Variants in ATF6 observed in about 807,000 individuals in gnomAD.
ATF6 encodes the protein activating transcription factor 6, also known as cyclic AMP-dependent transcription factor ATF-6 alpha.
Under a neutral mutation model 83.6 loss-of-function variants are expected in ATF6, and 53 were observed. That is an observed-to-expected ratio of 0.63 (90% CI 0.51 to 0.80). The LOEUF (loss-of-function observed/expected upper bound fraction) is 0.80, where lower values mean the gene tolerates loss of function less well. Ranked by LOEUF, ATF6 falls within the 30% of genes least tolerant of loss-of-function variation. The probability of loss-of-function intolerance (pLI) is 0.00; values close to 1 mark genes in which losing one functional copy is unlikely to be tolerated. For synonymous variants in ATF6, 288 were observed against 285.8 expected, an observed-to-expected ratio of 1.01 and a Z score of -0.08; for missense variants, 744 against 797.9, an observed-to-expected ratio of 0.93 and a Z score of 0.81.
intron 15 of ATF6, among the ~76,000 whole-genome samples, chr1:161,914,134 A>G (rs1688044739): frequency 6.6e-6 from 1 of 152,214 alleles, no homozygotes; most frequent in Non-Finnish European, 1.5e-5. Flanking sequence ...TAAAAAATCA[A>G]AATTCAAATT....
chr1:161,767,026 T>A (rs912094150), intron 1 of ATF6, among the ~76,000 whole-genome samples: 2 of 152,188 alleles, frequency 1.3e-5, no homozygotes, highest in African/African-American at 4.8e-5. Flanking sequence ...GCTCTTAATT[T>A]TCTTGTTAAT....
rs1257157839 is a variant in ATF6, at chr1:161,959,845, AT to A, written c.*1195del. ...TCATGGACCACAGGACAAAGCTTTC[AT>A]TTTCATTCATTCTTCTATTGAAATT... On this transcript the variant is annotated 3_prime_UTR_variant, in exon 16 of 16. Transcript: ENST00000367942. The A allele has an allele frequency of 2.0e-5, 3 of 152,156 alleles. No homozygotes were observed. The highest frequency in any genetic ancestry group is 6.5e-5 in the Admixed American group (1 of 15,280). The allele number at this position is 152,156 out of a possible 1,614,324, so 9.4% of individuals were successfully genotyped here.
chr1:161,791,254 C>G (rs1684873296), intron 4 of ATF6, among the ~76,000 whole-genome samples, 154 bp from the exon 5 acceptor site: 1 of 152,054 alleles, frequency 6.6e-6, no homozygotes, highest in Non-Finnish European at 1.5e-5. Context: ...CTGATAGTCA[C>G]TTATTACTTA....
At chr1:161,773,111 G>A (rs1288607001) in intron 1 of ATF6, among the ~76,000 whole-genome samples, 11 of 149,860 alleles carry the variant, frequency 7.3e-5, no homozygotes, top group African/African-American at 2.5e-4. Context: ...GATTACAGGC[G>A]CCTGCCACCA....
intron 15 of ATF6, among the ~76,000 whole-genome samples, chr1:161,947,672 A>G (rs984017583): frequency 6.6e-6 from 1 of 152,158 alleles, no homozygotes; most frequent in African/African-American, 2.4e-5. Flanking sequence ...CAGAGTCATA[A>G]ATGTTGCTAT....
At position 161,811,535 on chromosome 1, in the gene ATF6, T is replaced by A. The variant is rs970162397; in HGVS notation, c.910-8098T>A. Among the ~76,000 whole-genome samples, 12 of 152,182 alleles carry A rather than the reference T, an allele frequency of 7.9e-5. No individual in the cohort carries two copies. The East Asian group carries it at 2.3e-3, about 29-fold the overall frequency. On this transcript the variant is annotated intron_variant, in intron 7 of 15. Coordinates refer to ENST00000367942, the MANE Select transcript of ATF6 (RefSeq NM_007348.4). The stretch of plus-strand genomic sequence containing the variant: ...GGGTACACATGTTAAACTTTATATT[T>A]AGTTATAATTTTAAATTTCAAAAAG...
At chr1:161,909,588 C>A (rs962562865) in intron 14 of ATF6, among the ~76,000 whole-genome samples, 1 of 151,902 alleles carries the variant, frequency 6.6e-6, no homozygotes, top group Non-Finnish European at 1.5e-5. Context: ...GATTTATATT[C>A]TTTAAAAGAA....
intron 15 of ATF6, among the ~76,000 whole-genome samples, chr1:161,923,759 CT>C (rs1280367345): frequency 6.6e-6 from 1 of 152,160 alleles, no homozygotes; most frequent in Non-Finnish European, 1.5e-5. Context: ...ATTGATCCTT[CT>C]AGGATATTAG....
At chr1:161,874,953 AAAACC>A (rs1301609033) in intron 14 of ATF6, among the ~76,000 whole-genome samples, 1 of 151,738 alleles carries the variant, frequency 6.6e-6, no homozygotes, top group Admixed American at 6.6e-5. Context: ...CATCAGGTCC[AAAACC>A]AAACTGAGCG....
At chr1:161,846,339 T>TA (rs759286619) in intron 9 of ATF6, 110 bp from the exon 10 acceptor site, 10 of 1,225,000 alleles carry the variant, frequency 8.2e-6, no homozygotes, top group South Asian at 1.6e-5. Flanking sequence ...GCATTTTTGT[T>TA]ACGTGCATGG....
chr1:161,832,996 G>T (rs1476895066), intron 9 of ATF6, among the ~76,000 whole-genome samples: 5 of 152,196 alleles, frequency 3.3e-5, no homozygotes, highest in African/African-American at 4.8e-5. Flanking sequence ...CTAACTGGGA[G>T]GCACCCCCCA....
intron 14 of ATF6, among the ~76,000 whole-genome samples, chr1:161,900,217 TG>T (rs1687754591): frequency 6.6e-6 from 1 of 152,196 alleles, no homozygotes; most frequent in South Asian, 2.1e-4. Context: ...TTTAGAAGTT[TG>T]GTGATGTTTT....
intron 14 of ATF6, among the ~76,000 whole-genome samples, chr1:161,899,001 A>T (rs1374959908): frequency 6.6e-6 from 1 of 152,204 alleles, no homozygotes; most frequent in African/African-American, 2.4e-5. Context: ...CCTGGATGAA[A>T]CTAAAGAAAA....
chr1:161,820,462 T>C (rs1005341280), intron 8 of ATF6, among the ~76,000 whole-genome samples: 1 of 152,218 alleles, frequency 6.6e-6, no homozygotes, highest in Non-Finnish European at 1.5e-5. Flanking sequence ...ATAAAAAATG[T>C]TGAATTCTGG....
intron 15 of ATF6, among the ~76,000 whole-genome samples, chr1:161,947,485 G>A (rs1688772183): frequency 2.0e-5 from 3 of 152,184 alleles, no homozygotes; most frequent in South Asian, 4.1e-4. Context: ...TTGAGCAGGG[G>A]GCTTATGGAG....
chr1:161,827,428 TAAAAA>T (rs757264697), intron 9 of ATF6, among the ~76,000 whole-genome samples: 32 of 151,420 alleles, frequency 2.1e-4, no homozygotes, highest in African/African-American at 7.3e-4. Flanking sequence ...GCATAGGCTT[TAAAAA>T]AAAAGATTGT....
At chr1:161,854,126 G>A (rs1299517321) in intron 12 of ATF6, among the ~76,000 whole-genome samples, 1 of 152,156 alleles carries the variant, frequency 6.6e-6, no homozygotes, top group Admixed American at 6.5e-5. Flanking sequence ...GAGTGGTCAG[G>A]GAAGGCTTCT....
intron 14 of ATF6, among the ~76,000 whole-genome samples, chr1:161,907,149 G>T (rs1201480426): frequency 6.6e-6 from 1 of 152,128 alleles, no homozygotes; most frequent in Non-Finnish European, 1.5e-5. Context: ...TGCAAAATGT[G>T]AATTTAGATA....
chr1:161,895,757 T>TC (rs1313338025), intron 14 of ATF6, among the ~76,000 whole-genome samples: 1 of 152,178 alleles, frequency 6.6e-6, no homozygotes, highest in Non-Finnish European at 1.5e-5. Flanking sequence ...GCTTTTTCCC[T>TC]CCCCCTAGAG....
Sources: gnomAD v4.1 joint callset for allele counts (sites outside exome capture counted in the v4.1 genomes callset) on GRCh38, gnomAD v4.1.1 for gene constraint, MANE v1.5 for transcripts, NCBI Gene and HGNC (gene_info 2026-07-23, HGNC 2026-07-21) for gene names.